RYR2: variants seen among roughly 807,000 people sequenced by gnomAD.
The protein encoded by RYR2 is ryanodine receptor 2, also known as cardiac muscle ryanodine receptor-calcium release channel.
A neutral mutation model predicts 601.1 loss-of-function variants in RYR2; 227 were observed. The observed-to-expected ratio is 0.38, with a 90% CI of 0.34 to 0.42. The LOEUF is 0.42. RYR2 is among the 10% of genes least tolerant of loss of function. The pLI, the probability that RYR2 is intolerant of heterozygous loss-of-function variation, is 1.00. For synonymous variants in RYR2, 2,223 were observed against 2,175.1 expected, an observed-to-expected ratio of 1.02 and a Z score of -0.61; for missense variants, 4,646 against 6,156.5, an observed-to-expected ratio of 0.75 and a Z score of 8.21.
chr1:237,544,332 G>T (rs1234449457), intron 25 of RYR2, among the ~76,000 whole-genome samples: 2 of 152,136 alleles, frequency 1.3e-5, no homozygotes. Context: ...GGAGAGAAAA[G>T]TCTGTCGGCT....
intron 79 of RYR2, among the ~76,000 whole-genome samples, chr1:237,741,537 C>G (rs1057474751): frequency 3.9e-5 from 6 of 152,114 alleles, no homozygotes; most frequent in Admixed American, 2.0e-4. Flanking sequence ...CACTATTATA[C>G]TACAGACCAT....
At chr1:237,391,380 T>C (rs1702369771) in intron 10 of RYR2, among the ~76,000 whole-genome samples, 1 of 152,182 alleles carries the variant, frequency 6.6e-6, no homozygotes, top group South Asian at 2.1e-4. Flanking sequence ...TCCTGGGAAA[T>C]ATGTAAAAAA....
chr1:237,768,414 G>A (rs946133649), intron 84 of RYR2, among the ~76,000 whole-genome samples: 16 of 152,134 alleles, frequency 1.1e-4, no homozygotes, highest in African/African-American at 3.4e-4. Context: ...AAATGAAGGC[G>A]CAAAGAATGA....
rs890388160 is a variant in RYR2 at position 237,042,489 on chromosome 1, C to T, written c.-33C>T. On this transcript the variant is annotated 5_prime_UTR_variant, in exon 1 of 105. Transcript: ENST00000366574. ...CGCCGCCGCCGAGCTCCGCGGGGCTCGGGAGCCGGCCCCGGCGAGGAGGCG... is the reference window on the plus strand; with the variant it reads ...CGCCGCCGCCGAGCTCCGCGGGGCTTGGGAGCCGGCCCCGGCGAGGAGGCG... 23 of 1,245,134 alleles carry T rather than the reference C, an allele frequency of 1.8e-5. No individual in the cohort carries two copies. In the African/African-American group the frequency reaches 2.0e-4, roughly 11 times the overall value. The allele number at this position is 1,245,134 out of a possible 1,614,324, so 77.1% of individuals were successfully genotyped here. A position where few individuals can be genotyped will look rare whatever the true frequency, so the allele number is the denominator to read the frequency against.
At chr1:237,071,024 T>C (rs1664248754) in intron 1 of RYR2, among the ~76,000 whole-genome samples, 1 of 152,204 alleles carries the variant, frequency 6.6e-6, no homozygotes, top group Non-Finnish European at 1.5e-5. Context: ...GTGTTACAAC[T>C]CTTTCGGTCC....
chr1:237,596,591 C>A (rs1029901307), intron 34 of RYR2, among the ~76,000 whole-genome samples: 1 of 152,116 alleles, frequency 6.6e-6, no homozygotes, highest in Non-Finnish European at 1.5e-5. Context: ...GCACAGAAAA[C>A]GTTTAACAAA....
At chr1:237,333,635 A>T in intron 3 of RYR2, 1 of 456,050 alleles carries the variant, frequency 2.2e-6, no homozygotes, top group Non-Finnish European at 4.4e-6. Flanking sequence ...ATGTCTGATG[A>T]TATGTGACTC....
At chr1:237,105,618 G>A (rs1668574542) in intron 1 of RYR2, among the ~76,000 whole-genome samples, 1 of 151,672 alleles carries the variant, frequency 6.6e-6, no homozygotes, top group Non-Finnish European at 1.5e-5. Context: ...GATCACTTGA[G>A]GTCAGGAGAT....
chr1:237,805,498 A>G (rs1299018386), intron 98 of RYR2, among the ~76,000 whole-genome samples: 2 of 146,818 alleles, frequency 1.4e-5, no homozygotes, highest in Non-Finnish European at 3.0e-5. Context: ...GGAGAATGGC[A>G]TGAACCTGGG....
rs148982218 is a variant in RYR2, at chr1:237,510,206, C to T, written c.2719-1482C>T. Among the ~76,000 whole-genome samples, 601 of 152,172 alleles carry T rather than the reference C, an allele frequency of 3.9e-3. 1 individual carries two copies. Among genetic ancestry groups the T allele is most frequent in the Non-Finnish European group, 5.7e-3 (385 of 68,000 alleles). On this transcript the variant is annotated intron_variant, in intron 23 of 104. Coordinates refer to ENST00000366574, the MANE Select transcript of RYR2 (RefSeq NM_001035.3). ...TCAGGTGAGAGGCGACTCAGAGCCC[C>T]GCAGTGGGGATAGAGAGACGTGATT...
In RYR2 at chr1:237,798,300, G is replaced by GTA. The variant is rs1330297172; in HGVS notation, c.14090+135_14090+136dup. On this transcript the variant is annotated intron_variant, in intron 97 of 104. Transcript: ENST00000366574. The stretch of plus-strand genomic sequence containing the variant: ...AATAGATAGATGAGGAAAACAGAAA[G>GTA]TATATAAAGTCTACTTTTACACTTC... 5.1e-6 allele frequency: 4 copies of GTA among 787,318 alleles called. No homozygotes were observed. In the African/African-American group the frequency reaches 7.2e-5, roughly 14 times the overall value. The allele number at this position is 787,318 out of a possible 1,614,324, so 48.8% of individuals were successfully genotyped here.
intron 3 of RYR2, among the ~76,000 whole-genome samples, chr1:237,341,009 T>C (rs1697721650): frequency 6.6e-6 from 1 of 152,200 alleles, no homozygotes; most frequent in African/African-American, 2.4e-5. Context: ...ATATTCCATA[T>C]TTCTAAGTAT....
At chr1:237,634,265 G>A (rs1307179757) in intron 43 of RYR2, among the ~76,000 whole-genome samples, 2 of 152,136 alleles carry the variant, frequency 1.3e-5, no homozygotes, top group African/African-American at 4.8e-5. Context: ...ATTCACAATG[G>A]AATGCTGTTT....
intron 1 of RYR2, among the ~76,000 whole-genome samples, chr1:237,233,039 T>C (rs912185690): frequency 2.6e-5 from 4 of 152,330 alleles, no homozygotes; most frequent in South Asian, 2.1e-4. Flanking sequence ...CAGTAAGCTA[T>C]GCATAAATGA....
chr1:237,148,551 T>TATATAC (rs1558320209), intron 1 of RYR2, among the ~76,000 whole-genome samples: 2 of 126,482 alleles, frequency 1.6e-5, no homozygotes, highest in African/African-American at 6.9e-5. Context: ...TATATATATA[T>TATATAC]ATACACACAC....
In RYR2 at chr1:237,715,005, A is replaced by T. The variant is rs1186172920; in HGVS notation, c.10324-2193A>T. 6.4e-4 allele frequency among the ~76,000 whole-genome samples: 83 copies of T among 129,090 alleles called. No individual in the cohort carries two copies. The East Asian group carries it at 0.013, about 20-fold the overall frequency. The allele number at this position is 129,090 out of a possible 152,430, so 84.7% of individuals were successfully genotyped here. A position where few individuals can be genotyped will look rare whatever the true frequency, so the allele number is the denominator to read the frequency against. ...AGACTCCATCTCAAAAAAAAAAAAA[A>T]AAAAAAAAAAAAAAAAAAGGGCTCA... On this transcript the variant is annotated intron_variant, in intron 71 of 104. Transcript: ENST00000366574.
intron 42 of RYR2, 135 bp from the exon 43 acceptor site, chr1:237,633,443 A>T (rs1035602023): frequency 2.0e-6 from 2 of 1,009,786 alleles, no homozygotes; most frequent in African/African-American, 3.2e-5. Context: ...TGCACATTTG[A>T]AGATCTTTGG....
intron 12 of RYR2, among the ~76,000 whole-genome samples, chr1:237,428,988 G>C (rs185909450): frequency 2.0e-5 from 3 of 151,852 alleles, no homozygotes; most frequent in African/African-American, 2.4e-5. Flanking sequence ...GAGAGCTGCC[G>C]CAGAAGCCCT....
intron 44 of RYR2, among the ~76,000 whole-genome samples, chr1:237,636,823 A>G (rs960572554): frequency 6.6e-6 from 1 of 152,224 alleles, no homozygotes; most frequent in African/African-American, 2.4e-5. Flanking sequence ...ACACTGTGAT[A>G]TACCCATATA....
Sources: allele counts gnomAD v4.1 joint callset (sites outside exome capture counted in the v4.1 genomes callset), GRCh38; gene constraint gnomAD v4.1.1; transcripts MANE v1.5; gene names NCBI Gene and HGNC (gene_info 2026-07-23, HGNC 2026-07-21).